AKR1D1: variants seen among roughly 807,000 people sequenced by gnomAD.
The protein encoded by AKR1D1 is delta(4)-3-ketosteroid 5-beta-reductase.
A neutral mutation model predicts 42.6 loss-of-function variants in AKR1D1; 32 were observed. The ratio of observed to expected loss-of-function variants is 0.75; its 90% CI spans 0.57 to 1.01. AKR1D1 has a LOEUF of 1.01. AKR1D1 is among the 50% of genes least tolerant of loss of function. The pLI is 0.00. For missense variants in AKR1D1, 364 were observed against 402.2 expected (o/e 0.91, Z 0.81); for synonymous variants, 123 against 135.5 (o/e 0.91, Z 0.64).
chr7:138,088,539 A>C lies in AKR1D1; in HGVS notation c.94-62A>C, dbSNP rs199734526. 2.7e-4 allele frequency: 426 copies of C among 1,550,830 alleles called. 4 individuals carry two copies. In the East Asian group the frequency reaches 9.2e-3, roughly 33 times the overall value. On this transcript the variant is annotated intron_variant, in intron 1 of 8. Coordinates refer to ENST00000242375, the MANE Select transcript of AKR1D1 (RefSeq NM_005989.4). Reference sequence around the variant, plus strand: ...AATGTACATGCAAAATGTCCTGATTAATGATTATTAAAGGAAAGACCATTT... The same window carrying C: ...AATGTACATGCAAAATGTCCTGATTCATGATTATTAAAGGAAAGACCATTT...
chr7:138,091,240 G>C (rs1211665319), intron 2 of AKR1D1: 2 of 160,824 alleles, frequency 1.2e-5, no homozygotes, highest in African/African-American at 4.8e-5. Context: ...AGATGTGAGG[G>C]TGATCTGGCT....
intron 7 of AKR1D1, 120 bp downstream of exon 7, chr7:138,107,700 C>T (rs1794461882): frequency 1.8e-6 from 2 of 1,087,036 alleles, no homozygotes; most frequent in African/African-American, 3.2e-5. Context: ...TTATACCAGC[C>T]CCTTGACCCA....
chr7:138,093,186 A>G (rs992651701), intron 3 of AKR1D1, among the ~76,000 whole-genome samples: 1 of 150,824 alleles, frequency 6.6e-6, no homozygotes, highest in South Asian at 2.1e-4. Flanking sequence ...CTCCTGCCTC[A>G]GCCTCCCAAG....
chr7:138,099,572 A>C (rs751637873), intron 4 of AKR1D1, among the ~76,000 whole-genome samples: 1 of 152,162 alleles, frequency 6.6e-6, no homozygotes, highest in African/African-American at 2.4e-5. Context: ...GAATGAGGAA[A>C]TCTCTCAATA....
intron 3 of AKR1D1, among the ~76,000 whole-genome samples, chr7:138,094,914 C>T (rs1298353755): frequency 1.3e-5 from 2 of 152,038 alleles, no homozygotes; most frequent in East Asian, 1.9e-4. Flanking sequence ...GTCAAGCAGA[C>T]AGAATTTTAG....
At chr7:138,084,049 C>T (rs970848150) in intron 1 of AKR1D1, among the ~76,000 whole-genome samples, 1 of 152,146 alleles carries the variant, frequency 6.6e-6, no homozygotes, top group Non-Finnish European at 1.5e-5. Flanking sequence ...TGAAACTGGT[C>T]AGCAGACTCC....
rs974130794 is a variant in AKR1D1 at position 138,116,639 on chromosome 7, T to C, written c.958T>C (p.Tyr320His). The part of the protein sequence containing the change: ...ELLMWRDHPE[Y>H]PFHDEY ...TGGCAGGTGGCGCGATCATCCTGAA[T>C]ACCCATTTCATGATGAATACTGACT... The change falls in exon 9 of 9, where the codon TAC becomes CAC. Residue 320 changes from tyrosine (Y) to histidine (H), a missense_variant. By Grantham distance (83) the Tyr-to-His change is moderately conservative. Coordinates refer to ENST00000242375, the MANE Select transcript of AKR1D1 (RefSeq NM_005989.4). The C allele has an allele frequency of 3.1e-6, 5 of 1,614,202 alleles. No homozygotes were observed. In the African/African-American group the frequency reaches 6.7e-5, roughly 22 times the overall value.
intron 7 of AKR1D1, among the ~76,000 whole-genome samples, chr7:138,109,868 T>C (rs149106474): frequency 2.0e-5 from 3 of 152,326 alleles, no homozygotes; most frequent in African/African-American, 4.8e-5. Flanking sequence ...ACCTTTGCGA[T>C]GGAAAGCATT....
chr7:138,096,086 T>C (rs565684312), intron 3 of AKR1D1, among the ~76,000 whole-genome samples: 1 of 152,046 alleles, frequency 6.6e-6, no homozygotes, highest in South Asian at 2.1e-4. Context: ...ACACCTGTAG[T>C]CCCAGCTGCT....
At chr7:138,086,795 T>A (rs1803190335) in intron 1 of AKR1D1, among the ~76,000 whole-genome samples, 1 of 152,188 alleles carries the variant, frequency 6.6e-6, no homozygotes. Context: ...ATCAGAACAA[T>A]CACCCTTTGA....
chr7:138,087,860 A>G (rs1032698733), intron 1 of AKR1D1, among the ~76,000 whole-genome samples: 2 of 150,048 alleles, frequency 1.3e-5, no homozygotes, highest in Non-Finnish European at 3.0e-5. Flanking sequence ...ATTCATCCAT[A>G]CTATGTGTTG....
chr7:138,110,775 A>G (rs1794522117), intron 7 of AKR1D1, among the ~76,000 whole-genome samples: 1 of 152,184 alleles, frequency 6.6e-6, no homozygotes, highest in Non-Finnish European at 1.5e-5. Flanking sequence ...ACAAAAAACC[A>G]TGAGTTTAAA....
At chr7:138,080,688 G>C (rs1010287820) in intron 1 of AKR1D1, among the ~76,000 whole-genome samples, 1 of 152,128 alleles carries the variant, frequency 6.6e-6, no homozygotes, top group African/African-American at 2.4e-5. Flanking sequence ...ATCGCTGTGG[G>C]TTATGCTCTT....
At chr7:138,116,567 C>T (rs369415317) in intron 8 of AKR1D1, 53 bp from the exon 9 acceptor site, 1 of 1,602,936 alleles carries the variant, frequency 6.2e-7, no homozygotes, top group African/African-American at 1.3e-5. Flanking sequence ...TTGAAACATA[C>T]AGCTGTGCAA....
intron 7 of AKR1D1, among the ~76,000 whole-genome samples, chr7:138,111,459 A>C (rs960914474): frequency 1.3e-5 from 2 of 152,218 alleles, no homozygotes; most frequent in Admixed American, 6.5e-5. Flanking sequence ...TAGATCCAGT[A>C]ATTCTCAGTC....
At chr7:138,084,256 C>CTTTT (rs34809975) in intron 1 of AKR1D1, among the ~76,000 whole-genome samples, 1,777 of 134,612 alleles carry the variant, frequency 0.013, 45 homozygotes, top group African/African-American at 0.019. Flanking sequence ...TTTAATCTAG[C>CTTTT]TTTTTTTTTT....
At chr7:138,103,895 C>T (rs1190280073) in intron 4 of AKR1D1, among the ~76,000 whole-genome samples, 1 of 151,408 alleles carries the variant, frequency 6.6e-6, no homozygotes, top group Non-Finnish European at 1.5e-5. Flanking sequence ...TTTGGGAGGC[C>T]AAGGTAGGAG....
chr7:138,101,158 TCCCTCCC>T (rs1794301762), intron 4 of AKR1D1, among the ~76,000 whole-genome samples: 7 of 61,466 alleles, frequency 1.1e-4, no homozygotes, highest in African/African-American at 5.2e-4. Context: ...TTTCCCTCCC[TCCCTCCC>T]TCCCTCCCTC....
At chr7:138,095,977 G>A (rs1157539049) in intron 3 of AKR1D1, among the ~76,000 whole-genome samples, 1 of 151,690 alleles carries the variant, frequency 6.6e-6, no homozygotes, top group African/African-American at 2.4e-5. Flanking sequence ...AAGGCAGGTG[G>A]ATCACTTGAG....
Sources: allele counts gnomAD v4.1 joint callset (sites outside exome capture counted in the v4.1 genomes callset), GRCh38; gene constraint gnomAD v4.1.1; transcripts MANE v1.5; gene names NCBI Gene and HGNC (gene_info 2026-07-23, HGNC 2026-07-21).